The following MTSS1 variants were observed in gnomAD, a reference collection of about 807,000 sequenced individuals.
MTSS1 encodes the protein MTSS I-BAR domain containing 1.
In MTSS1, 18 loss-of-function variants were observed where a neutral mutation model predicts 79.0. That is an observed-to-expected ratio of 0.23 (90% CI 0.16 to 0.34). MTSS1 has a LOEUF of 0.34. Ranked by LOEUF, MTSS1 falls within the 10% of genes least tolerant of loss-of-function variation. The pLI is 1.00. For synonymous variants in MTSS1, 341 were observed against 368.6 expected (o/e 0.93, Z 0.86); for missense variants, 815 against 986.2 (o/e 0.83, Z 2.33).
At chr8:124,708,034 T>C (rs1455837867) in intron 1 of MTSS1, among the ~76,000 whole-genome samples, 4 of 152,226 alleles carry the variant, frequency 2.6e-5, no homozygotes, top group African/African-American at 9.6e-5. Context: ...ATCATTCCCT[T>C]ATAATGATGA....
intron 3 of MTSS1, among the ~76,000 whole-genome samples, chr8:124,606,050 A>G (rs1834790891): frequency 6.9e-6 from 1 of 144,494 alleles, no homozygotes. Context: ...ATCTTGGCTC[A>G]CTGCAACTTC....
intron 1 of MTSS1, among the ~76,000 whole-genome samples, chr8:124,706,371 TA>T (rs1830389258): frequency 6.6e-6 from 1 of 152,132 alleles, no homozygotes; most frequent in Admixed American, 6.5e-5. Context: ...ATGAAAACAA[TA>T]AAGTCATTGC....
Position 124,550,904 on chromosome 8 carries a change from G to A in MTSS1, c.*2088C>T, listed in dbSNP as rs1822417084. 6.6e-6 allele frequency: 1 copy of A among 152,598 alleles called. No individual in the cohort carries two copies. The highest frequency in any genetic ancestry group is 2.4e-5 in the African/African-American group (1 of 41,432). The allele number at this position is 152,598 out of a possible 1,614,324, so 9.5% of individuals were successfully genotyped here. ...TTTAGAACAAAAAACTGCACAGGGA[G>A]AGGTCAACTCTCAGTACAAACTAGC... On this transcript the variant is annotated 3_prime_UTR_variant, in exon 14 of 14. Coordinates refer to ENST00000518547, the MANE Select transcript of MTSS1 (RefSeq NM_014751.6).
chr8:124,723,994 G>A (rs1356630694), intron 1 of MTSS1, among the ~76,000 whole-genome samples: 1 of 152,102 alleles, frequency 6.6e-6, no homozygotes, highest in Admixed American at 6.5e-5. Flanking sequence ...CCACCATATT[G>A]GATTCATATT....
chr8:124,677,795 T>C (rs1414617107), intron 3 of MTSS1, among the ~76,000 whole-genome samples: 2 of 152,224 alleles, frequency 1.3e-5, no homozygotes, highest in African/African-American at 4.8e-5. Flanking sequence ...CCCTGTTCTG[T>C]GAATCTCAAG....
At chr8:124,563,016 G>A (rs750517770) in intron 9 of MTSS1, 24 bp from the exon 10 acceptor site, 2 of 1,583,576 alleles carry the variant, frequency 1.3e-6, no homozygotes, top group Admixed American at 3.6e-5. Context: ...GCAGGGGTGA[G>A]GGGTGGGCAC....
chr8:124,706,935 G>T (rs758488559), intron 1 of MTSS1, among the ~76,000 whole-genome samples: 2 of 152,118 alleles, frequency 1.3e-5, no homozygotes, highest in Non-Finnish European at 2.9e-5. Flanking sequence ...CAAGATCAGA[G>T]TCCTCAGGAT....
chr8:124,672,818 TACACACATGCACAC>T lies in MTSS1; in HGVS notation c.208+26694_208+26707del, dbSNP rs1824500498. ...CAGCAACACCCCATCCTAAAATAAA[TACACACATGCACAC>T]ACACACATGCATGCACACACACACA... On this transcript the variant is annotated intron_variant, in intron 3 of 13. Transcript: ENST00000518547. Among the ~76,000 whole-genome samples, 3 of 150,910 alleles carry T rather than the reference TACACACATGCACAC, an allele frequency of 2.0e-5. No individual in the cohort carries two copies. In the South Asian group the frequency reaches 6.3e-4, roughly 32 times the overall value.
At position 124,691,890 on chromosome 8, in the gene MTSS1, A is replaced by C. The variant is rs188993984; in HGVS notation, c.208+7636T>G. 3.0e-3 allele frequency among the ~76,000 whole-genome samples: 452 copies of C among 152,302 alleles called. 3 individuals are homozygous for C. The highest frequency in any genetic ancestry group is 0.011 in the Admixed American group (170 of 15,286). On this transcript the variant is annotated intron_variant, in intron 3 of 13. Coordinates refer to ENST00000518547, the MANE Select transcript of MTSS1 (RefSeq NM_014751.6). ...TTATGGTAATATTCAAAGAATTTTC[A>C]GTTCCAGACCTAAAAGAAGGGCCTT... is the stretch of plus-strand genomic sequence containing the variant.
At chr8:124,677,672 G>A (rs1235577659) in intron 3 of MTSS1, among the ~76,000 whole-genome samples, 1 of 152,164 alleles carries the variant, frequency 6.6e-6, no homozygotes, top group East Asian at 1.9e-4. Flanking sequence ...AGGATATGGT[G>A]TATCTGGTTT....
chr8:124,576,442 C>G (rs930155996), intron 6 of MTSS1, among the ~76,000 whole-genome samples: 1 of 152,166 alleles, frequency 6.6e-6, no homozygotes, highest in Admixed American at 6.5e-5. Flanking sequence ...AATAGGACAG[C>G]AGCTGCAGTC....
chr8:124,562,664 T>C, intron 10 of MTSS1, 118 bp downstream of exon 10: 1 of 974,942 alleles, frequency 1.0e-6, no homozygotes, highest in Non-Finnish European at 1.5e-6. Flanking sequence ...AAACCAGAGG[T>C]TTCTCAAGTC....
chr8:124,605,801 A>G (rs1834734586), intron 3 of MTSS1, among the ~76,000 whole-genome samples: 1 of 152,118 alleles, frequency 6.6e-6, no homozygotes, highest in Non-Finnish European at 1.5e-5. Flanking sequence ...TAGCGACTTT[A>G]TCATCTCTTA....
chr8:124,669,005 C>T (rs1181619136), intron 3 of MTSS1, among the ~76,000 whole-genome samples: 1 of 152,186 alleles, frequency 6.6e-6, no homozygotes, highest in Non-Finnish European at 1.5e-5. Context: ...TTGTACCTGG[C>T]TTTTAAACTT....
Position 124,640,794 on chromosome 8 carries a change from G to A in MTSS1, c.209-49559C>T, listed in dbSNP as rs149449681. On this transcript the variant is annotated intron_variant, in intron 3 of 13. Coordinates refer to ENST00000518547, the MANE Select transcript of MTSS1 (RefSeq NM_014751.6). Reference sequence around the variant, plus strand: ...CTTGACCTCGTGATCCACCCTCCTCGGCCTCCCAAAGTCCTGAGATAACAG... The same window carrying A: ...CTTGACCTCGTGATCCACCCTCCTCAGCCTCCCAAAGTCCTGAGATAACAG... Among the ~76,000 whole-genome samples, 1,386 of 151,954 alleles carry A rather than the reference G, an allele frequency of 9.1e-3. 11 individuals are homozygous for A. The highest frequency in any genetic ancestry group is 0.015 in the Non-Finnish European group (1,014 of 67,968).
chr8:124,600,573 G>A (rs1833618781), intron 3 of MTSS1, among the ~76,000 whole-genome samples: 1 of 152,172 alleles, frequency 6.6e-6, no homozygotes, highest in Non-Finnish European at 1.5e-5. Flanking sequence ...AGGCAGAGCG[G>A]TGATGTAGCT....
At chr8:124,555,370 T>C (rs974733151) in intron 13 of MTSS1, among the ~76,000 whole-genome samples, 4 of 152,046 alleles carry the variant, frequency 2.6e-5, no homozygotes, top group South Asian at 2.1e-4. Flanking sequence ...CTCAGCCTCC[T>C]GAGTAGCTGG....
intron 3 of MTSS1, among the ~76,000 whole-genome samples, chr8:124,672,289 T>C (rs1157495803): frequency 6.6e-6 from 1 of 151,046 alleles, no homozygotes; most frequent in Non-Finnish European, 1.5e-5. Context: ...AGGTCAGGAG[T>C]TCAAGACCAG....
chr8:124,551,128 TACA>T lies in MTSS1; in HGVS notation c.*1861_*1863del. The T allele has an allele frequency of 6.6e-6, 1 of 152,588 alleles. No homozygotes were observed. The highest frequency in any genetic ancestry group is 2.4e-5 in the African/African-American group (1 of 41,458). 9.5% of individuals were successfully genotyped at this position (152,588 alleles called of 1,614,324 possible). ...AAACAAGTGAAAAGCTGTACCAAGG[TACA>T]GTTACATCCATTTATTTCAAAGGTT... On this transcript the variant is annotated 3_prime_UTR_variant, in exon 14 of 14. Coordinates refer to ENST00000518547, the MANE Select transcript of MTSS1 (RefSeq NM_014751.6).
Sources: gnomAD v4.1 joint callset for allele counts (sites outside exome capture counted in the v4.1 genomes callset) on GRCh38, gnomAD v4.1.1 for gene constraint, MANE v1.5 for transcripts, NCBI Gene and HGNC (gene_info 2026-07-23, HGNC 2026-07-21) for gene names.